The following MAP7 variants were observed in gnomAD, a reference collection of about 807,000 sequenced individuals.
The protein encoded by MAP7 is microtubule associated protein 7.
Under a neutral mutation model 94.8 loss-of-function variants are expected in MAP7, and 52 were observed. The observed-to-expected ratio is 0.55, with a 90% CI of 0.44 to 0.69. The LOEUF (loss-of-function observed/expected upper bound fraction) is 0.69. Among genes scored for constraint, MAP7 ranks in the 30% least tolerant of loss-of-function variants. The pLI is 0.00. For synonymous variants in MAP7, 350 were observed against 357.0 expected (o/e 0.98, Z 0.22); for missense variants, 940 against 964.6 (o/e 0.97, Z 0.34).
chr6:136,490,081 C>T (rs1160839113), intron 1 of MAP7, among the ~76,000 whole-genome samples: 1 of 152,134 alleles, frequency 6.6e-6, no homozygotes, highest in Non-Finnish European at 1.5e-5. Flanking sequence ...CAATGAAATG[C>T]TCTAGCCATT....
intron 2 of MAP7, among the ~76,000 whole-genome samples, chr6:136,419,358 C>G (rs1790507527): frequency 6.6e-6 from 1 of 151,980 alleles, no homozygotes; most frequent in Admixed American, 6.6e-5. Context: ...AGAAATACAG[C>G]ACCAACAACT....
chr6:136,465,621 A>C (rs1391467258), intron 1 of MAP7, among the ~76,000 whole-genome samples: 1 of 152,202 alleles, frequency 6.6e-6, no homozygotes, highest in African/African-American at 2.4e-5. Flanking sequence ...CTATTGTTTA[A>C]TGATATTGAC....
At chr6:136,352,842 A>T (rs969214455) in intron 16 of MAP7, among the ~76,000 whole-genome samples, 1 of 152,236 alleles carries the variant, frequency 6.6e-6, no homozygotes, top group African/African-American at 2.4e-5. Flanking sequence ...TGCAAAGAGC[A>T]GCTATAAGAT....
At chr6:136,345,189 T>C (rs1470243358) in intron 17 of MAP7, among the ~76,000 whole-genome samples, 1 of 152,206 alleles carries the variant, frequency 6.6e-6, no homozygotes, top group East Asian at 1.9e-4. Flanking sequence ...GTCCTGATTG[T>C]TCTTTTTGCA....
At chr6:136,542,260 A>G (rs1040548411) in intron 1 of MAP7, among the ~76,000 whole-genome samples, 3 of 152,190 alleles carry the variant, frequency 2.0e-5, no homozygotes, top group Non-Finnish European at 4.4e-5. Flanking sequence ...GGTAGACAAC[A>G]TCACCGCTAG....
At chr6:136,520,984 A>G (rs114260517) in intron 1 of MAP7, among the ~76,000 whole-genome samples, 32 of 152,322 alleles carry the variant, frequency 2.1e-4, no homozygotes, top group African/African-American at 7.5e-4. Context: ...TCACAAAAGC[A>G]ATGACTACGG....
intron 1 of MAP7, among the ~76,000 whole-genome samples, chr6:136,492,853 GTACT>G (rs897688996): frequency 6.6e-6 from 1 of 152,042 alleles, no homozygotes; most frequent in African/African-American, 2.4e-5. Flanking sequence ...ATTAAATAAA[GTACT>G]TAATGTCTGT....
intron 1 of MAP7, among the ~76,000 whole-genome samples, chr6:136,521,960 T>C (rs1219603385): frequency 6.6e-6 from 1 of 152,222 alleles, no homozygotes; most frequent in Non-Finnish European, 1.5e-5. Context: ...CCTCCACTTC[T>C]GTGAGCAGAA....
At chr6:136,425,737 T>C (rs187422911) in intron 1 of MAP7, among the ~76,000 whole-genome samples, 2 of 152,276 alleles carry the variant, frequency 1.3e-5, no homozygotes, top group Admixed American at 1.3e-4. Flanking sequence ...ACATTCCTGA[T>C]TATTCCACAT....
intron 16 of MAP7, among the ~76,000 whole-genome samples, chr6:136,355,028 A>G (rs1178428479): frequency 2.0e-5 from 3 of 152,178 alleles, no homozygotes; most frequent in Non-Finnish European, 4.4e-5. Flanking sequence ...GGTCAAGACC[A>G]GCCTGGTTAA....
rs140027642 is a variant in MAP7 at position 136,454,643 on chromosome 6, G to A, written c.68-32844C>T. Among the ~76,000 whole-genome samples the A allele has an allele frequency of 2.5e-3, 377 of 151,548 alleles. 6 individuals are homozygous for A. The highest frequency in any genetic ancestry group is 0.021 in the Admixed American group (319 of 15,252). On this transcript the variant is annotated intron_variant, in intron 1 of 17. Transcript: ENST00000354570. ...CAAACAGCCAGGTGCAGTGGCTCACGCCTGAAATCCCAGCATTTTGGGAGG... is the reference window on the plus strand; with the variant it reads ...CAAACAGCCAGGTGCAGTGGCTCACACCTGAAATCCCAGCATTTTGGGAGG...
chr6:136,454,586 C>T lies in MAP7; in HGVS notation c.68-32787G>A, dbSNP rs112514124. 9.9e-3 allele frequency among the ~76,000 whole-genome samples: 1,509 copies of T among 151,836 alleles called. 7 individuals are homozygous for T. Among genetic ancestry groups the T allele is most frequent in the Non-Finnish European group, 0.016 (1,114 of 67,894 alleles). ...GTGCTGGGATTTCAGGCATGAGCCACCGAACCTGGCCTGAAAATGTCTTTT... is the reference window on the plus strand; with the variant it reads ...GTGCTGGGATTTCAGGCATGAGCCATCGAACCTGGCCTGAAAATGTCTTTT... On this transcript the variant is annotated intron_variant, in intron 1 of 17. Transcript: ENST00000354570.
At chr6:136,518,065 C>A (rs931778547) in intron 1 of MAP7, among the ~76,000 whole-genome samples, 18 of 152,296 alleles carry the variant, frequency 1.2e-4, no homozygotes, top group African/African-American at 4.3e-4. Context: ...TGAAAGCAAT[C>A]CTATTAGGAG....
At chr6:136,419,312 T>TA (rs1268648899) in intron 2 of MAP7, among the ~76,000 whole-genome samples, 1 of 152,208 alleles carries the variant, frequency 6.6e-6, no homozygotes, top group African/African-American at 2.4e-5. Context: ...AAAAGAATGG[T>TA]AGAAATTAGA....
chr6:136,388,781 C>T (rs886354232), intron 4 of MAP7, among the ~76,000 whole-genome samples: 1 of 152,158 alleles, frequency 6.6e-6, no homozygotes, highest in African/African-American at 2.4e-5. Flanking sequence ...CTTTCATGAA[C>T]ACACGTAAGC....
chr6:136,365,521 C>T (rs568150555), intron 10 of MAP7, among the ~76,000 whole-genome samples: 2 of 152,208 alleles, frequency 1.3e-5, no homozygotes, highest in African/African-American at 4.8e-5. Flanking sequence ...ATAGTGTTGC[C>T]AGGTAATTTT....
intron 1 of MAP7, among the ~76,000 whole-genome samples, chr6:136,495,000 T>G (rs930136772): frequency 3.3e-5 from 5 of 152,140 alleles, no homozygotes; most frequent in African/African-American, 1.2e-4. Context: ...AGGTCATCAC[T>G]AAAACTTCTT....
intron 1 of MAP7, among the ~76,000 whole-genome samples, chr6:136,509,398 A>G (rs1822551123): frequency 6.7e-6 from 1 of 150,020 alleles, no homozygotes. Context: ...AGAGTAAATT[A>G]TGATGTAGAA....
chr6:136,474,869 T>C (rs1810348467), intron 1 of MAP7, among the ~76,000 whole-genome samples: 1 of 152,006 alleles, frequency 6.6e-6, no homozygotes, highest in Admixed American at 6.6e-5. Context: ...GTGCACACCA[T>C]TATGCTTGGC....
Sources: allele counts gnomAD v4.1 joint callset (sites outside exome capture counted in the v4.1 genomes callset), GRCh38; gene constraint gnomAD v4.1.1; transcripts MANE v1.5; gene names NCBI Gene and HGNC (gene_info 2026-07-23, HGNC 2026-07-21).